The following MYH10 variants were observed in gnomAD, a reference collection of about 807,000 sequenced individuals.
MYH10 encodes myosin heavy chain 10.
Under a neutral mutation model 257.8 loss-of-function variants are expected in MYH10, and 55 were observed. The ratio of observed to expected loss-of-function variants is 0.21; its 90% CI spans 0.17 to 0.27. The LOEUF (loss-of-function observed/expected upper bound fraction) is 0.27. MYH10 is among the 10% of genes least tolerant of loss of function. MYH10 has a pLI of 1.00. For missense variants in MYH10, 1,631 were observed against 2,500.6 expected (o/e 0.65, Z 7.42); for synonymous variants, 854 against 921.7 (o/e 0.93, Z 1.33).
chr17:8,535,987 T>A lies in MYH10; in HGVS notation c.1606-56A>T. 2 of 1,499,066 alleles carry A rather than the reference T, an allele frequency of 1.3e-6. No individual in the cohort carries two copies. Among genetic ancestry groups the A allele is most frequent in the Non-Finnish European group, 1.8e-6 (2 of 1,091,334 alleles). The allele number at this position is 1,499,066 out of a possible 1,614,324, so 92.9% of individuals were successfully genotyped here. A position where few individuals can be genotyped will look rare whatever the true frequency, so the allele number is the denominator to read the frequency against. ...GTTTTGCATGCCACTTTAATACTACTGAGTCTGGCACTTAAACTTCTAAAA... is the reference window on the plus strand; with the variant it reads ...GTTTTGCATGCCACTTTAATACTACAGAGTCTGGCACTTAAACTTCTAAAA... On this transcript the variant is annotated intron_variant, in intron 14 of 42. Coordinates refer to ENST00000360416, the MANE Select transcript of MYH10 (RefSeq NM_001256012.3). This position sits in a 1 kb window ranked among gnomAD's most constrained non-coding sequence, Gnocchi z 4.3.
At position 8,552,389 on chromosome 17, in the gene MYH10, G is replaced by C. The variant is rs896009544; in HGVS notation, c.821-245C>G. Among the ~76,000 whole-genome samples, 1 of 152,044 alleles carries C rather than the reference G, an allele frequency of 6.6e-6. No individual in the cohort carries two copies. The highest frequency in any genetic ancestry group is 1.9e-4 in the East Asian group (1 of 5,202). Reference sequence around the variant, plus strand: ...CTGGGAAGGAACTTAAAGATTATACGTGCTTCCCTCACTCAGCTCCACTCT... The same window carrying C: ...CTGGGAAGGAACTTAAAGATTATACCTGCTTCCCTCACTCAGCTCCACTCT... On this transcript the variant is annotated intron_variant, in intron 8 of 42. Transcript: ENST00000360416. The surrounding 1 kb of genome is among the most constrained non-coding windows in gnomAD (Gnocchi z 4.8).
chr17:8,494,848 A>G (rs1916334808), intron 31 of MYH10, among the ~76,000 whole-genome samples: 1 of 152,242 alleles, frequency 6.6e-6, no homozygotes, highest in Non-Finnish European at 1.5e-5. Flanking sequence ...GTGCAGCAGG[A>G]CCATAGCTTG....
rs1012753811 is a variant in MYH10 at position 8,490,969 on chromosome 17, A to G, written c.4672-417T>C. Among the ~76,000 whole-genome samples, 4 of 152,232 alleles carry G rather than the reference A, an allele frequency of 2.6e-5. No homozygotes were observed. Among genetic ancestry groups the G allele is most frequent in the African/African-American group, 9.6e-5 (4 of 41,454 alleles). ...GAAGATCATTCGTATTGAAAAGCAC[A>G]TGTGGAAACTGCTGATTATTAGGGT... On this transcript the variant is annotated intron_variant, in intron 34 of 42. Coordinates refer to ENST00000360416, the MANE Select transcript of MYH10 (RefSeq NM_001256012.3). The surrounding 1 kb of genome is among the most constrained non-coding windows in gnomAD (Gnocchi z 4.1).
chr17:8,623,579 A>G (rs2152110110), intron 1 of MYH10: 1 of 161,990 alleles, frequency 6.2e-6, no homozygotes, highest in South Asian at 2.0e-4. Flanking sequence ...CTCCTCTTTC[A>G]CCCTCACCAC....
chr17:8,568,224 A>G (rs1448015794), intron 7 of MYH10, among the ~76,000 whole-genome samples: 1 of 152,182 alleles, frequency 6.6e-6, no homozygotes, highest in Non-Finnish European at 1.5e-5. Context: ...GCCTCAGAAG[A>G]AACCAATCCT....
chr17:8,493,541 G>C (rs1408854552), intron 32 of MYH10, among the ~76,000 whole-genome samples, 192 bp downstream of exon 32: 3 of 152,128 alleles, frequency 2.0e-5, no homozygotes, highest in East Asian at 3.8e-4. Context: ...CACAGTCCTA[G>C]GTCCTTATTT....
chr17:8,568,223 G>A (rs948077594), intron 7 of MYH10, among the ~76,000 whole-genome samples: 4 of 152,130 alleles, frequency 2.6e-5, no homozygotes. Flanking sequence ...GGCCTCAGAA[G>A]AAACCAATCC....
At chr17:8,493,315 G>T (rs971100376) in intron 32 of MYH10, among the ~76,000 whole-genome samples, 2 of 150,964 alleles carry the variant, frequency 1.3e-5, no homozygotes, top group Non-Finnish European at 2.9e-5. Context: ...CTGCACTCCA[G>T]CCTGGGCGAC....
intron 3 of MYH10, among the ~76,000 whole-genome samples, chr17:8,604,392 A>C (rs2084720699): frequency 6.6e-6 from 1 of 152,184 alleles, no homozygotes. Flanking sequence ...CCAACTTAAC[A>C]CATGCTTTTT....
intron 35 of MYH10, among the ~76,000 whole-genome samples, chr17:8,488,572 CAAAG>C (rs1915251329): frequency 6.6e-6 from 1 of 152,188 alleles, no homozygotes; most frequent in Non-Finnish European, 1.5e-5. Context: ...GCTCAGCGAG[CAAAG>C]AAAGGTCCCT....
At position 8,569,867 on chromosome 17, in the gene MYH10, T is replaced by A; in HGVS notation, c.664-55A>T. On this transcript the variant is annotated intron_variant, in intron 6 of 42. Transcript: ENST00000360416. This position sits in a 1 kb window ranked among gnomAD's most constrained non-coding sequence, Gnocchi z 4.1. ...AGCAGATGTACGTTAATCTAATGTC[T>A]TTACTCAAGTCATCAGGGGAAAAAT... 7.8e-7 allele frequency: 1 copy of A among 1,281,260 alleles called. No homozygotes were observed. The highest frequency in any genetic ancestry group is 1.1e-6 in the Non-Finnish European group (1 of 923,740). The allele number at this position is 1,281,260 out of a possible 1,614,324, so 79.4% of individuals were successfully genotyped here. A position where few individuals can be genotyped will look rare whatever the true frequency, so the allele number is the denominator to read the frequency against.
chr17:8,504,920 CAGGCGCAAG>C lies in MYH10; in HGVS notation c.3387-23_3387-15del. 1 of 1,612,136 alleles carries C rather than the reference CAGGCGCAAG, an allele frequency of 6.2e-7. No individual in the cohort carries two copies. Among genetic ancestry groups the C allele is most frequent in the Non-Finnish European group, 8.5e-7 (1 of 1,178,284 alleles). On this transcript the variant is annotated splice_polypyrimidine_tract_variant and intron_variant, in intron 27 of 42. Coordinates refer to ENST00000360416, the MANE Select transcript of MYH10 (RefSeq NM_001256012.3). The surrounding 1 kb of genome is among the most constrained non-coding windows in gnomAD (Gnocchi z 5.6). The stretch of plus-strand genomic sequence containing the variant: ...TCATCATCACCTCTGTTAAAACACC[CAGGCGCAAG>C]AGGCACTCAGAGATGGCACCCGGAT...
intron 8 of MYH10, among the ~76,000 whole-genome samples, chr17:8,553,673 G>A (rs1049699462): frequency 3.3e-5 from 5 of 152,142 alleles, no homozygotes; most frequent in African/African-American, 1.2e-4. Context: ...ACAGCAATAG[G>A]GGGAGGGCAA....
chr17:8,518,798 G>GTTT lies in MYH10; in HGVS notation c.2344-8_2344-7insAAA. 1 of 1,607,000 alleles carries GTTT rather than the reference G, an allele frequency of 6.2e-7. No individual in the cohort carries two copies. Among genetic ancestry groups the GTTT allele is most frequent in the South Asian group, 1.1e-5 (1 of 89,198 alleles). ...CCAATTCTAAAGCCCGGATCTAAGA[G>GTTT]AGAAAGAGTTTATTTACTTTTTTTA... On this transcript the variant is annotated splice_polypyrimidine_tract_variant and splice_region_variant and intron_variant, in intron 20 of 42. Transcript: ENST00000360416.
intron 42 of MYH10, 70 bp downstream of exon 42, chr17:8,476,806 A>G: frequency 6.6e-7 from 1 of 1,513,984 alleles, no homozygotes; most frequent in South Asian, 1.2e-5. Context: ...TCCTCTGACC[A>G]GCTGCACCCC....
At chr17:8,528,080 A>AT (rs949255400) in intron 17 of MYH10, among the ~76,000 whole-genome samples, 1 of 152,096 alleles carries the variant, frequency 6.6e-6, no homozygotes. Flanking sequence ...GTTTTCCCCA[A>AT]TTTTTGCTCT....
chr17:8,570,200 G>A (rs1281584962), intron 6 of MYH10, among the ~76,000 whole-genome samples: 1 of 152,160 alleles, frequency 6.6e-6, no homozygotes, highest in Non-Finnish European at 1.5e-5. Context: ...TGCCTTATTT[G>A]AAAACTTTAA....
chr17:8,582,078 A>G (rs907105775), intron 4 of MYH10, among the ~76,000 whole-genome samples: 16 of 150,392 alleles, frequency 1.1e-4, no homozygotes, highest in African/African-American at 4.0e-4. Context: ...ATAATGATCA[A>G]TGATGATGAT....
intron 17 of MYH10, among the ~76,000 whole-genome samples, chr17:8,523,442 G>GATCT (rs1238142886): frequency 6.6e-6 from 1 of 152,232 alleles, no homozygotes; most frequent in Non-Finnish European, 1.5e-5. Context: ...AGTGGTTAGA[G>GATCT]ATCTCTCTGG....
Sources: gnomAD v4.1 joint callset for allele counts (sites outside exome capture counted in the v4.1 genomes callset) on GRCh38, gnomAD v4.1.1 for gene constraint, Gnocchi (gnomAD v3.1) non-coding constraint, MANE v1.5 for transcripts, NCBI Gene and HGNC (gene_info 2026-07-23, HGNC 2026-07-21) for gene names.